Variants in PRICKLE1 observed in about 807,000 individuals in gnomAD.
The protein encoded by PRICKLE1 is prickle planar cell polarity protein 1, also known as prickle-like protein 1.
Under a neutral mutation model 70.2 loss-of-function variants are expected in PRICKLE1, and 14 were observed. That is an observed-to-expected ratio of 0.20 (90% confidence interval 0.13 to 0.31). The LOEUF (loss-of-function observed/expected upper bound fraction) is 0.31. PRICKLE1 is among the 10% of genes least tolerant of loss of function. The probability of loss-of-function intolerance (pLI) is 1.00; values close to 1 mark genes in which losing one functional copy is unlikely to be tolerated. For synonymous variants in PRICKLE1, 357 were observed against 379.9 expected (o/e 0.94, Z 0.70); for missense variants, 821 against 1,026.2 (o/e 0.80, Z 2.73).
chr12:42,483,887 AT>A (rs906527360), intron 1 of PRICKLE1: 2 of 151,646 alleles, frequency 1.3e-5, no homozygotes, highest in African/African-American at 4.9e-5. Context: ...AGGCCACTGC[AT>A]CCCCCAAGCC....
chr12:42,467,305 C>T (rs938659480), intron 5 of PRICKLE1, among the ~76,000 whole-genome samples: 12 of 152,072 alleles, frequency 7.9e-5, no homozygotes, highest in East Asian at 1.9e-4. Flanking sequence ...TCAGTAGAGA[C>T]GGGGTTTCAC....
intron 1 of PRICKLE1, among the ~76,000 whole-genome samples, chr12:42,538,249 C>T (rs1019778159): frequency 5.3e-5 from 8 of 152,110 alleles, no homozygotes; most frequent in African/African-American, 1.9e-4. Context: ...AATAAGAATC[C>T]AGTTCCTCAG....
Position 42,465,274 on chromosome 12 carries a change from T to C in PRICKLE1, c.776-16A>G, listed in dbSNP as rs370970392. ...TGGTCCACACCTGTTTTGAAAAGGATAGAATAAATAACAGGTTATGGTTTA... is the reference window on the plus strand; with the variant it reads ...TGGTCCACACCTGTTTTGAAAAGGACAGAATAAATAACAGGTTATGGTTTA... On this transcript the variant is annotated splice_polypyrimidine_tract_variant and intron_variant, in intron 6 of 7. Transcript: ENST00000345127. The C allele has an allele frequency of 7.4e-6, 12 of 1,613,456 alleles. No homozygotes were observed. The highest frequency in any genetic ancestry group is 1.7e-5 in the Admixed American group (1 of 59,952).
chr12:42,470,956 ACAAGAGATCAG>A (rs1343032409), intron 2 of PRICKLE1, among the ~76,000 whole-genome samples: 1 of 152,148 alleles, frequency 6.6e-6, no homozygotes, highest in Non-Finnish European at 1.5e-5. Context: ...AAGGGGTCAG[ACAAGAGATCAG>A]CAAGAGAGAG....
chr12:42,539,210 G>A (rs1940064803), intron 1 of PRICKLE1, among the ~76,000 whole-genome samples: 1 of 152,156 alleles, frequency 6.6e-6, no homozygotes, highest in African/African-American at 2.4e-5. Context: ...GCTCACGCCT[G>A]TAATCCCAGC....
intron 1 of PRICKLE1, among the ~76,000 whole-genome samples, chr12:42,491,904 C>T (rs1402328762): frequency 2.6e-5 from 4 of 151,430 alleles, no homozygotes; most frequent in Non-Finnish European, 5.9e-5. Context: ...CTGCCTCAGC[C>T]TCTCGAGCAG....
chr12:42,588,697 C>A (rs957478625), intron 1 of PRICKLE1, among the ~76,000 whole-genome samples: 1 of 152,150 alleles, frequency 6.6e-6, no homozygotes, highest in Admixed American at 6.5e-5. Flanking sequence ...CAACCCCCAA[C>A]CTCGTTCTTC....
At chr12:42,555,191 T>A (rs1940394311) in intron 1 of PRICKLE1, among the ~76,000 whole-genome samples, 1 of 151,852 alleles carries the variant, frequency 6.6e-6, no homozygotes. Flanking sequence ...GTAATCCCAG[T>A]TACTTGGGAG....
chr12:42,494,020 A>G (rs1036239561), intron 1 of PRICKLE1, among the ~76,000 whole-genome samples: 10 of 152,258 alleles, frequency 6.6e-5, no homozygotes, highest in African/African-American at 2.4e-4. Context: ...TAGAAAAGTT[A>G]TGTTTACACT....
At chr12:42,512,019 T>C (rs968574216) in intron 1 of PRICKLE1, among the ~76,000 whole-genome samples, 36 of 152,208 alleles carry the variant, frequency 2.4e-4, no homozygotes, top group Non-Finnish European at 8.8e-5. Flanking sequence ...TCTACCCCTC[T>C]GGGGTTGTGC....
At position 42,529,953 on chromosome 12, in the gene PRICKLE1, C is replaced by CTTCCTT. The variant is rs1555236624; in HGVS notation, c.-48-57390_-48-57389insAAGGAA. Among the ~76,000 whole-genome samples, 636 of 143,032 alleles carry CTTCCTT rather than the reference C, an allele frequency of 4.4e-3. 6 individuals carry two copies. The highest frequency in any genetic ancestry group is 0.016 in the African/African-American group (607 of 38,060). 93.8% of individuals were successfully genotyped at this position (143,032 alleles called of 152,430 possible). A position where few individuals can be genotyped will look rare whatever the true frequency, so the allele number is the denominator to read the frequency against. ...CCTTCCTTCCTTTCTTCCTTCCTTC[C>CTTCCTT]TTTTTTTTTTTTTGGTGGCGTCTCA... is the stretch of plus-strand genomic sequence containing the variant. On this transcript the variant is annotated intron_variant, in intron 1 of 7. Coordinates refer to ENST00000345127, the MANE Select transcript of PRICKLE1 (RefSeq NM_153026.3).
intron 1 of PRICKLE1, among the ~76,000 whole-genome samples, chr12:42,498,966 C>A (rs1370043103): frequency 7.2e-5 from 11 of 152,174 alleles, no homozygotes; most frequent in Admixed American, 2.0e-4. Flanking sequence ...TCCATCAGTC[C>A]CAAAACTAAC....
intron 1 of PRICKLE1, among the ~76,000 whole-genome samples, chr12:42,494,675 C>T (rs1303668958): frequency 1.1e-4 from 16 of 151,812 alleles, no homozygotes. Flanking sequence ...GGCGTGGTGG[C>T]ACCCACTTGT....
At chr12:42,580,557 T>C (rs1389722745) in intron 1 of PRICKLE1, among the ~76,000 whole-genome samples, 1 of 152,212 alleles carries the variant, frequency 6.6e-6, no homozygotes, top group East Asian at 1.9e-4. Flanking sequence ...AGATACTTTG[T>C]GCGAGAGGTG....
intron 1 of PRICKLE1, among the ~76,000 whole-genome samples, chr12:42,587,996 G>A (rs867777278): frequency 6.6e-6 from 1 of 151,614 alleles, no homozygotes; most frequent in Non-Finnish European, 1.5e-5. Context: ...TGTTGGGGAC[G>A]GTCAAACAAG....
intron 1 of PRICKLE1, among the ~76,000 whole-genome samples, chr12:42,585,204 G>C (rs1199850664): frequency 6.6e-6 from 1 of 152,168 alleles, no homozygotes; most frequent in African/African-American, 2.4e-5. Flanking sequence ...AAAGGCAAAT[G>C]ATAGCTGCTT....
chr12:42,504,424 G>A (rs1456127250), intron 1 of PRICKLE1, among the ~76,000 whole-genome samples: 1 of 152,206 alleles, frequency 6.6e-6, no homozygotes, highest in East Asian at 1.9e-4. Flanking sequence ...AATCTGCACG[G>A]AACTAGCGTT....
At chr12:42,468,977 G>A in intron 4 of PRICKLE1, 148 bp from the exon 5 acceptor site, 1 of 757,930 alleles carries the variant, frequency 1.3e-6, no homozygotes, top group Non-Finnish European at 2.2e-6. Flanking sequence ...TTTAATGCTG[G>A]ATTACTGGTG....
chr12:42,514,659 C>T (rs1187000619), intron 1 of PRICKLE1, among the ~76,000 whole-genome samples: 1 of 151,980 alleles, frequency 6.6e-6, no homozygotes, highest in Non-Finnish European at 1.5e-5. Context: ...GTTTGTTTGC[C>T]CCTCGTGACC....
Sources: allele counts gnomAD v4.1 joint callset (sites outside exome capture counted in the v4.1 genomes callset), GRCh38; gene constraint gnomAD v4.1.1; transcripts MANE v1.5; gene names NCBI Gene and HGNC (gene_info 2026-07-23, HGNC 2026-07-21).